PCYT1A: variants seen among roughly 807,000 people sequenced by gnomAD.
PCYT1A encodes phosphate cytidylyltransferase 1A, choline.
PCYT1A carries 25 observed loss-of-function variants against 43.7 expected under a neutral mutation model. That is an observed-to-expected ratio of 0.57 (90% confidence interval 0.42 to 0.80). The LOEUF is 0.80. Ranked by LOEUF, PCYT1A falls within the 30% of genes least tolerant of loss-of-function variation. PCYT1A has a pLI of 0.00. For missense variants in PCYT1A, 421 were observed against 474.2 expected, an observed-to-expected ratio of 0.89 and a Z score of 1.04; for synonymous variants, 172 against 170.7, an observed-to-expected ratio of 1.01 and a Z score of -0.06.
intron 5 of PCYT1A, among the ~76,000 whole-genome samples, chr3:196,244,378 C>G (rs1225259031): frequency 6.7e-6 from 1 of 149,980 alleles, no homozygotes; most frequent in African/African-American, 2.5e-5. Flanking sequence ...TCTGCCCGGC[C>G]GCCCATCGTC....
Position 196,238,761 on chromosome 3 carries a change from G to A in PCYT1A, c.1031C>T (p.Pro344Leu), listed in dbSNP as rs775986884. The change falls in exon 9 of 9, where the codon CCA becomes CTA. Residue 344 changes from proline (P) to leucine (L), a missense_variant. Physicochemically the swap from Pro to Leu is moderately conservative, Grantham distance 98. Coordinates refer to ENST00000431016, the MANE Select transcript of PCYT1A (RefSeq NM_001312673.2). ...GGAGAGATTTGCTGGGGAGCAAGGT[G>A]GGGAAGTCTTGCCGGAGAAGGGCCA... ...FRWPFSGKTS[P>L]PCSPANLSRH... 10 of 1,591,702 alleles carry A rather than the reference G, an allele frequency of 6.3e-6. No homozygotes were observed. The highest frequency in any genetic ancestry group is 1.1e-5 in the South Asian group (1 of 87,846).
intron 1 of PCYT1A, among the ~76,000 whole-genome samples, chr3:196,276,081 A>G (rs1313050310): frequency 6.6e-6 from 1 of 150,600 alleles, no homozygotes; most frequent in African/African-American, 2.4e-5. Flanking sequence ...TGGGCGCCAG[A>G]GTGAGACTCC....
In PCYT1A at chr3:196,273,958, G is replaced by A. The variant is rs76057342; in HGVS notation, c.-10-3417C>T. ...GCGCCCAGGCTATTCACGAAGGGGC[G>A]CCTGCAGGCCTGAATGGAGCTGCTC... On this transcript the variant is annotated intron_variant, in intron 1 of 8. Coordinates refer to ENST00000431016, the MANE Select transcript of PCYT1A (RefSeq NM_001312673.2). The surrounding 1 kb of genome is among the most constrained non-coding windows in gnomAD (Gnocchi z 4.1). Among the ~76,000 whole-genome samples the A allele has an allele frequency of 1.4e-3, 212 of 152,322 alleles. No homozygotes were observed. Among genetic ancestry groups the A allele is most frequent in the Non-Finnish European group, 2.2e-3 (149 of 68,016 alleles).
intron 3 of PCYT1A, among the ~76,000 whole-genome samples, chr3:196,249,664 T>A (rs1724686226): frequency 6.6e-6 from 1 of 152,238 alleles, no homozygotes; most frequent in African/African-American, 2.4e-5. Context: ...ATGTAACTTA[T>A]TCCCTTTCTG....
intron 3 of PCYT1A, among the ~76,000 whole-genome samples, chr3:196,251,944 C>T (rs1467744975): frequency 6.6e-6 from 1 of 152,224 alleles, no homozygotes; most frequent in African/African-American, 2.4e-5. Flanking sequence ...GGGTCTGGCT[C>T]TGTCACCCTG....
chr3:196,250,985 C>A (rs75159962), intron 3 of PCYT1A, among the ~76,000 whole-genome samples: 65,895 of 113,722 alleles, frequency 0.58, 17,238 homozygotes, highest in East Asian at 0.9. Context: ...GACCAGATAC[C>A]CTATGCTGAG....
Position 196,270,525 on chromosome 3 carries a change from C to G in PCYT1A, c.7G>C (p.Ala3Pro). The change falls in exon 2 of 9, where the codon GCA (alanine) becomes CCA (proline). Residue 3 changes from alanine (A) to proline (P), a missense_variant. By Grantham distance (27) the Ala-to-Pro change is conservative (BLOSUM62 -1). Coordinates refer to ENST00000431016, the MANE Select transcript of PCYT1A (RefSeq NM_001312673.2). ...GCATTGACCTTGGCTGAACACTGTG[C>G]ATCCATCTTCTTTTAACTGGTCATA... MD[A>P]QCSAKVNARK... The G allele has an allele frequency of 1.2e-6, 2 of 1,612,364 alleles. No individual in the cohort carries two copies. The highest frequency in any genetic ancestry group is 1.7e-6 in the Non-Finnish European group (2 of 1,178,356).
Position 196,247,382 on chromosome 3 carries a change from G to T in PCYT1A, c.471C>A (p.Phe157Leu). Reference sequence around the variant, plus strand: ...AGTTTCTTACCCGGTGTTCGGCCAGGAACTCGGGTGTCAGCGTCCAGGGCG... The same window carrying T: ...AGTTTCTTACCCGGTGTTCGGCCAGTAACTCGGGTGTCAGCGTCCAGGGCG... ...RNAPWTLTPEFLAEHRIDFVA... is the reference protein window; with the variant it reads ...RNAPWTLTPELLAEHRIDFVA... The change falls in exon 5 of 9, where the codon TTC becomes TTA. Residue 157 changes from phenylalanine (F) to leucine (L), a missense_variant. Physicochemically the swap from Phe to Leu is conservative, Grantham distance 22 (BLOSUM62 0). Transcript: ENST00000431016. This position sits in a 1 kb window ranked among gnomAD's most constrained non-coding sequence, Gnocchi z 4.8. 6.2e-7 allele frequency: 1 copy of T among 1,614,122 alleles called. No individual in the cohort carries two copies. Among genetic ancestry groups the T allele is most frequent in the Non-Finnish European group, 8.5e-7 (1 of 1,180,032 alleles).
chr3:196,241,146 A>C (rs1421743935), intron 7 of PCYT1A, among the ~76,000 whole-genome samples: 4 of 148,224 alleles, frequency 2.7e-5, no homozygotes, highest in Non-Finnish European at 6.0e-5. Context: ...AAAAAAAAAA[A>C]AAAAAAAAAA....
rs546940457 is a variant in PCYT1A at position 196,273,635 on chromosome 3, T to C, written c.-10-3094A>G. On this transcript the variant is annotated intron_variant, in intron 1 of 8. Transcript: ENST00000431016. This position sits in a 1 kb window ranked among gnomAD's most constrained non-coding sequence, Gnocchi z 4.1. ...ATCCTGACGTCTCTGCAGCCCTCAG[T>C]GGAGAGGAGACCTGGAGTGGGAAGC... 1.3e-5 allele frequency among the ~76,000 whole-genome samples: 2 copies of C among 151,636 alleles called. No homozygotes were observed. The highest frequency in any genetic ancestry group is 1.3e-4 in the Admixed American group (2 of 15,252).
chr3:196,278,423 C>T lies in PCYT1A; in HGVS notation c.-10-7882G>A, dbSNP rs144275650. On this transcript the variant is annotated intron_variant, in intron 1 of 8. Coordinates refer to ENST00000431016, the MANE Select transcript of PCYT1A (RefSeq NM_001312673.2). ...TCAAAGGGGAAAAAAAATACACGCA[C>T]ACACACAGGCTGCCTTAATATCCCT... Among the ~76,000 whole-genome samples, 267 of 152,250 alleles carry T rather than the reference C, an allele frequency of 1.8e-3. 2 individuals are homozygous for T. Among genetic ancestry groups the T allele is most frequent in the African/African-American group, 5.8e-3 (243 of 41,556 alleles).
At position 196,273,699 on chromosome 3, in the gene PCYT1A, A is replaced by G. The variant is rs1725504476; in HGVS notation, c.-10-3158T>C. ...CAGGTCATCCCATCAAGTATGGCTG[A>G]GTCCAGGGTTTCTACGGGCTTCAGC... On this transcript the variant is annotated intron_variant, in intron 1 of 8. Coordinates refer to ENST00000431016, the MANE Select transcript of PCYT1A (RefSeq NM_001312673.2). The surrounding 1 kb of genome is among the most constrained non-coding windows in gnomAD (Gnocchi z 4.1). Among the ~76,000 whole-genome samples the G allele has an allele frequency of 6.6e-6, 1 of 152,202 alleles. No homozygotes were observed. Among genetic ancestry groups the G allele is most frequent in the Non-Finnish European group, 1.5e-5 (1 of 68,030 alleles).
At chr3:196,256,157 C>T (rs1331707818) in intron 3 of PCYT1A, among the ~76,000 whole-genome samples, 3 of 152,160 alleles carry the variant, frequency 2.0e-5, no homozygotes, top group Non-Finnish European at 4.4e-5. Flanking sequence ...CCCAAACCCA[C>T]AATACATATA....
In PCYT1A at chr3:196,277,732, G is replaced by A. The variant is rs780156706; in HGVS notation, c.-10-7191C>T. On this transcript the variant is annotated intron_variant, in intron 1 of 8. Coordinates refer to ENST00000431016, the MANE Select transcript of PCYT1A (RefSeq NM_001312673.2). The surrounding 1 kb of genome is among the most constrained non-coding windows in gnomAD (Gnocchi z 4.1). Reference sequence around the variant, plus strand: ...CTAAAAATACAAAAATTAGCTGAGCGTGGTGGCATGCACCTGTAATCCCAG... The same window carrying A: ...CTAAAAATACAAAAATTAGCTGAGCATGGTGGCATGCACCTGTAATCCCAG... 2.6e-5 allele frequency among the ~76,000 whole-genome samples: 4 copies of A among 152,126 alleles called. No individual in the cohort carries two copies. Among genetic ancestry groups the A allele is most frequent in the African/African-American group, 7.2e-5 (3 of 41,418 alleles).
rs1724399030 is a variant in PCYT1A, at chr3:196,242,846, C to T, written c.487-206G>A. On this transcript the variant is annotated intron_variant, in intron 5 of 8. Transcript: ENST00000431016. This position sits in a 1 kb window ranked among gnomAD's most constrained non-coding sequence, Gnocchi z 4.2. The stretch of plus-strand genomic sequence containing the variant: ...TATGGAGTATACATATGAAGTTAGC[C>T]AGCTGCTTTTGTAGCTATTTCTCCT... 5.1e-6 allele frequency: 3 copies of T among 590,416 alleles called. No individual in the cohort carries two copies. Among genetic ancestry groups the T allele is most frequent in the Non-Finnish European group, 9.2e-6 (3 of 326,006 alleles). The allele number at this position is 590,416 out of a possible 1,614,324, so 36.6% of individuals were successfully genotyped here. A position where few individuals can be genotyped will look rare whatever the true frequency, so the allele number is the denominator to read the frequency against.
intron 1 of PCYT1A, among the ~76,000 whole-genome samples, chr3:196,280,312 T>C (rs1036515647): frequency 1.3e-5 from 2 of 152,182 alleles, no homozygotes; most frequent in South Asian, 2.1e-4. Context: ...GGACCCTATA[T>C]GGACAGTTGT....
chr3:196,239,636 T>C lies in PCYT1A; in HGVS notation c.808A>G (p.Lys270Glu). ...SKEFVQKVEE[K>E]SIDLIQKWEE... Reference sequence around the variant, plus strand: ...CACTTCTGAATGAGGTCAATGCTTTTTTCCTCCACCTTCTGAACAAATTCT... The same window carrying C: ...CACTTCTGAATGAGGTCAATGCTTTCTTCCTCCACCTTCTGAACAAATTCT... The change falls in exon 8 of 9, where the codon AAA becomes GAA. Residue 270 changes from lysine (K) to glutamate (E), a missense_variant. Coordinates refer to ENST00000431016, the MANE Select transcript of PCYT1A (RefSeq NM_001312673.2). 1.2e-6 allele frequency: 2 copies of C among 1,611,740 alleles called. No homozygotes were observed. Among genetic ancestry groups the C allele is most frequent in the Non-Finnish European group, 1.7e-6 (2 of 1,177,800 alleles).
At chr3:196,272,386 A>C (rs370081777) in intron 1 of PCYT1A, among the ~76,000 whole-genome samples, 44 of 152,240 alleles carry the variant, frequency 2.9e-4, no homozygotes, top group African/African-American at 1.0e-3. Flanking sequence ...GGGTTTCCCT[A>C]TGTTGGCCAG....
intron 1 of PCYT1A, among the ~76,000 whole-genome samples, chr3:196,278,079 C>T (rs1396593181): frequency 6.6e-6 from 1 of 152,048 alleles, no homozygotes; most frequent in Non-Finnish European, 1.5e-5. Context: ...GATGCTTGCC[C>T]GGACACATCA....
Sources: allele counts gnomAD v4.1 joint callset (sites outside exome capture counted in the v4.1 genomes callset), GRCh38; gene constraint gnomAD v4.1.1; non-coding constraint Gnocchi (gnomAD v3.1); transcripts MANE v1.5; gene names NCBI Gene and HGNC (gene_info 2026-07-23, HGNC 2026-07-21).